ANOS1: variants seen among roughly 807,000 people sequenced by gnomAD.
ANOS1 encodes the protein anosmin 1, also known as anosmin-1.
Under a neutral mutation model 59.0 loss-of-function variants are expected in ANOS1, and 6 were observed. That is an observed-to-expected ratio of 0.10 (90% CI 0.06 to 0.20). ANOS1 has a LOEUF of 0.20. Among genes scored for constraint, ANOS1 ranks in the 10% least tolerant of loss-of-function variants. The probability of loss-of-function intolerance (pLI) is 1.00; values close to 1 mark genes in which losing one functional copy is unlikely to be tolerated. For synonymous variants in ANOS1, 217 were observed against 223.4 expected (o/e 0.97, Z 0.25); for missense variants, 433 against 542.3 (o/e 0.80, Z 2.00).
At chrX:8,671,111 T>A (rs892135310) in intron 2 of ANOS1, among the ~76,000 whole-genome samples, 4 of 111,812 alleles carry the variant, frequency 3.6e-5, no homozygotes, top group Admixed American at 1.9e-4. Flanking sequence ...TTGTGTCAAA[T>A]CATTCCCCTC....
At chrX:8,593,742 T>C (rs1267024169) in intron 4 of ANOS1, among the ~76,000 whole-genome samples, 1 of 111,781 alleles carries the variant, frequency 8.9e-6, no homozygotes, top group Non-Finnish European at 1.9e-5. Flanking sequence ...GGCATGATCA[T>C]GGCTCATTGT....
chrX:8,560,505 A>G (rs1432616892), intron 8 of ANOS1, among the ~76,000 whole-genome samples: 1 of 112,573 alleles, frequency 8.9e-6, no homozygotes, highest in East Asian at 2.8e-4. Flanking sequence ...ACAGCCGGAC[A>G]TGATATATAA....
At chrX:8,620,402 A>G (rs139543484) in intron 3 of ANOS1, among the ~76,000 whole-genome samples, 2 of 112,132 alleles carry the variant, frequency 1.8e-5, no homozygotes, top group East Asian at 5.6e-4. Flanking sequence ...CTAACAGTGT[A>G]ATTGTTTCCG....
chrX:8,709,601 G>T (rs1013961602), intron 1 of ANOS1, among the ~76,000 whole-genome samples: 1 of 111,884 alleles, frequency 8.9e-6, no homozygotes, highest in Non-Finnish European at 1.9e-5. Flanking sequence ...TATCTGCAAA[G>T]AGTATGACAT....
chrX:8,626,111 CAAAAA>C (rs138234272), intron 2 of ANOS1, among the ~76,000 whole-genome samples: 3 of 24,527 alleles, frequency 1.2e-4, no homozygotes, highest in African/African-American at 4.6e-4. Flanking sequence ...GACTCTGTCT[CAAAAA>C]AAAAAAAAAA....
intron 7 of ANOS1, among the ~76,000 whole-genome samples, chrX:8,568,870 A>C (rs1179287989): frequency 9.0e-6 from 1 of 111,416 alleles, no homozygotes; most frequent in Non-Finnish European, 1.9e-5. Flanking sequence ...AGAAAGGCCA[A>C]ATGTATTTTG....
intron 6 of ANOS1, among the ~76,000 whole-genome samples, chrX:8,573,852 G>A (rs1468264525): frequency 1.8e-5 from 2 of 111,503 alleles, no homozygotes; most frequent in Admixed American, 1.9e-4. Flanking sequence ...CATATCTCTT[G>A]AGCAAATTGT....
At chrX:8,624,936 C>T (rs909849501) in intron 2 of ANOS1, among the ~76,000 whole-genome samples, 2 of 109,311 alleles carry the variant, frequency 1.8e-5, no homozygotes, top group African/African-American at 6.7e-5. Flanking sequence ...AGTGAAACCC[C>T]GTCTCTACCA....
At chrX:8,654,194 C>T (rs1931893604) in intron 2 of ANOS1, among the ~76,000 whole-genome samples, 1 of 111,887 alleles carries the variant, frequency 8.9e-6, no homozygotes, top group African/African-American at 3.2e-5. Flanking sequence ...TCTTATGTCT[C>T]CCATAGGTCT....
intron 2 of ANOS1, among the ~76,000 whole-genome samples, chrX:8,677,979 T>C (rs1016167224): frequency 9.0e-6 from 1 of 111,015 alleles, no homozygotes; most frequent in Non-Finnish European, 1.9e-5. Context: ...TTAACAGCCA[T>C]AACCACCCCA....
At chrX:8,721,171 T>C (rs767828645) in intron 1 of ANOS1, among the ~76,000 whole-genome samples, 43 of 111,711 alleles carry the variant, frequency 3.8e-4, no homozygotes, top group African/African-American at 1.4e-3. Context: ...TCTGTGCAAC[T>C]GTGGTGCAAA....
chrX:8,622,774 C>G (rs1343768081), intron 3 of ANOS1, among the ~76,000 whole-genome samples: 1 of 112,328 alleles, frequency 8.9e-6, no homozygotes, highest in Non-Finnish European at 1.9e-5. Context: ...TGGTACAGGG[C>G]CTGTGCCCCC....
intron 2 of ANOS1, among the ~76,000 whole-genome samples, chrX:8,655,025 T>C (rs1931909160): frequency 9.1e-6 from 1 of 110,432 alleles, no homozygotes; most frequent in Non-Finnish European, 1.9e-5. Flanking sequence ...CACCAGGATC[T>C]GGTTTTGTGG....
chrX:8,668,394 CAT>C (rs202229567), intron 2 of ANOS1, among the ~76,000 whole-genome samples: 2,079 of 51,476 alleles, frequency 0.04, 57 homozygotes, highest in Non-Finnish European at 0.049. Context: ...AGTATTCCAT[CAT>C]ATATATATAT....
chrX:8,613,957 G>A (rs1247819927), intron 3 of ANOS1, among the ~76,000 whole-genome samples: 3 of 112,174 alleles, frequency 2.7e-5, no homozygotes, highest in African/African-American at 9.7e-5. Context: ...TATACCTACT[G>A]AATACCATAT....
chrX:8,559,971 T>C (rs1930008110), intron 8 of ANOS1, among the ~76,000 whole-genome samples: 1 of 112,138 alleles, frequency 8.9e-6, no homozygotes, highest in Admixed American at 9.5e-5. Flanking sequence ...GCCTAATATG[T>C]ATTGGATGAA....
chrX:8,650,806 G>T (rs1271953836), intron 2 of ANOS1, among the ~76,000 whole-genome samples: 3 of 112,413 alleles, frequency 2.7e-5, no homozygotes, highest in Non-Finnish European at 5.6e-5. Flanking sequence ...CAAAGTCAAA[G>T]GAGAGGTGTA....
rs1278884634 is a variant in ANOS1 at position 8,664,435 on chromosome X, C to T, written c.255+35263G>A. On this transcript the variant is annotated intron_variant, in intron 2 of 13. Coordinates refer to ENST00000262648, the MANE Select transcript of ANOS1 (RefSeq NM_000216.4). ...GTCTCAATCTCCTGACCTCGTGATC[C>T]GCCCACCTTGGCCTCCCAAAGTGCT... is the stretch of plus-strand genomic sequence containing the variant. 5.4e-5 allele frequency among the ~76,000 whole-genome samples: 6 copies of T among 110,530 alleles called. 1 individual carries two copies. The highest frequency in any genetic ancestry group is 9.3e-3 in the Middle Eastern group (2 of 214).
At chrX:8,585,052 T>C (rs1286104309) in intron 6 of ANOS1, among the ~76,000 whole-genome samples, 1 of 112,077 alleles carries the variant, frequency 8.9e-6, no homozygotes, top group Admixed American at 9.4e-5. Context: ...CTCCCTTATG[T>C]TATCTTCTAT....
Sources: allele counts gnomAD v4.1 joint callset (sites outside exome capture counted in the v4.1 genomes callset), GRCh38; gene constraint gnomAD v4.1.1; transcripts MANE v1.5; gene names NCBI Gene and HGNC (gene_info 2026-07-23, HGNC 2026-07-21).